The following UTRN variants were observed in gnomAD, a reference collection of about 807,000 sequenced individuals.
UTRN encodes utrophin, also known as dystrophin-related protein 1.
UTRN carries 283 observed loss-of-function variants against 463.9 expected under a neutral mutation model. That is an observed-to-expected ratio of 0.61 (90% CI 0.55 to 0.67). UTRN has a LOEUF of 0.67. Among genes scored for constraint, UTRN ranks in the 30% least tolerant of loss-of-function variants. The probability of loss-of-function intolerance (pLI) is 0.00; values close to 1 mark genes in which losing one functional copy is unlikely to be tolerated. For synonymous variants in UTRN, 1,442 were observed against 1,431.5 expected (o/e 1.01, Z -0.17); for missense variants, 3,922 against 4,084.3 (o/e 0.96, Z 1.08).
intron 51 of UTRN, among the ~76,000 whole-genome samples, chr6:144,638,886 A>G (rs899820538): frequency 1.3e-5 from 2 of 151,980 alleles, no homozygotes; most frequent in African/African-American, 4.8e-5. Context: ...CAGCATGAGC[A>G]ACATAACGAG....
intron 61 of UTRN, among the ~76,000 whole-genome samples, chr6:144,783,963 A>G (rs1197937025): frequency 6.6e-6 from 1 of 152,228 alleles, no homozygotes; most frequent in African/African-American, 2.4e-5. Context: ...AAATATTACC[A>G]TTAGCCTTAA....
chr6:144,766,010 G>A (rs1253354656), intron 58 of UTRN, among the ~76,000 whole-genome samples: 2 of 151,496 alleles, frequency 1.3e-5, no homozygotes, highest in Admixed American at 1.3e-4. Flanking sequence ...GTGTTTGCGA[G>A]TGGATGAGGA....
chr6:144,362,150 C>T (rs1041479195), intron 2 of UTRN, among the ~76,000 whole-genome samples: 1 of 152,178 alleles, frequency 6.6e-6, no homozygotes, highest in Non-Finnish European at 1.5e-5. Context: ...TAGCTGGATT[C>T]CTTCCTACAT....
At chr6:144,509,592 A>C (rs1016341672) in intron 34 of UTRN, among the ~76,000 whole-genome samples, 1 of 152,130 alleles carries the variant, frequency 6.6e-6, no homozygotes, top group African/African-American at 2.4e-5. Flanking sequence ...CAAATGAAAC[A>C]TCAGTATATA....
intron 65 of UTRN, among the ~76,000 whole-genome samples, chr6:144,810,972 T>A (rs571715039): frequency 6.6e-6 from 1 of 152,332 alleles, no homozygotes; most frequent in Non-Finnish European, 1.5e-5. Context: ...AACTGTATTC[T>A]TGTTGATATT....
chr6:144,331,649 C>A (rs1776339472), intron 2 of UTRN, among the ~76,000 whole-genome samples: 1 of 152,196 alleles, frequency 6.6e-6, no homozygotes. Flanking sequence ...ACGTGATAGG[C>A]TGCTGGGAGG....
intron 10 of UTRN, among the ~76,000 whole-genome samples, chr6:144,437,144 G>C (rs754731186): frequency 4.6e-5 from 7 of 151,768 alleles, no homozygotes; most frequent in East Asian, 3.9e-4. Context: ...AGTTAGAGAC[G>C]GGGTTTCACC....
At chr6:144,637,855 A>G (rs1777345373) in intron 51 of UTRN, among the ~76,000 whole-genome samples, 1 of 151,226 alleles carries the variant, frequency 6.6e-6, no homozygotes, top group African/African-American at 2.4e-5. Flanking sequence ...TTTCTGATTT[A>G]ATGTTCTTCT....
At chr6:144,690,095 TTGTGTGTGTGTGTGTG>T (rs1554339292) in intron 52 of UTRN, among the ~76,000 whole-genome samples, 3 of 33,454 alleles carry the variant, frequency 9.0e-5, no homozygotes, top group African/African-American at 4.3e-4. Flanking sequence ...TTTTTTTTTT[TTGTGTGTGTGTGTGTG>T]TGTGTGTGTG....
At chr6:144,410,208 T>C (rs139975273) in intron 3 of UTRN, among the ~76,000 whole-genome samples, 1,907 of 152,288 alleles carry the variant, frequency 0.013, 12 homozygotes, top group Non-Finnish European at 0.021. Flanking sequence ...ACTTTGATTT[T>C]ATTTACCTTT....
chr6:144,448,621 C>T lies in UTRN; in HGVS notation c.1924C>T (p.Leu642=). The T allele has an allele frequency of 6.2e-7, 1 of 1,613,888 alleles. No individual in the cohort carries two copies. Among genetic ancestry groups the T allele is most frequent in the Non-Finnish European group, 8.5e-7 (1 of 1,179,860 alleles). Residue 642 remains leucine (L), a synonymous_variant, in exon 17 of 75, where the codon CTG becomes TTG. Transcript: ENST00000367545. Reference sequence around the variant, plus strand: ...TCAGGTGACTCAGGCTGTAGCAAAGCTGGGGATGTCTCAGATTCCTCAGAA... The same window carrying T: ...TCAGGTGACTCAGGCTGTAGCAAAGTTGGGGATGTCTCAGATTCCTCAGAA... ...SNQVTQAVAK[L]GMSQIPQKDL... is the part of the protein sequence containing the mutation.
rs774460349 is a variant in UTRN at position 144,485,539 on chromosome 6, A to G, written c.3822+20A>G. On this transcript the variant is annotated intron_variant, in intron 28 of 74. Coordinates refer to ENST00000367545, the MANE Select transcript of UTRN (RefSeq NM_007124.3). ...CTGGAGGTTGGAACCCGTGATCTCC[A>G]CGGCATTTCTCTTTGCTGTGATGAG... The G allele has an allele frequency of 6.2e-7, 1 of 1,613,964 alleles. No homozygotes were observed. Among genetic ancestry groups the G allele is most frequent in the Non-Finnish European group, 8.5e-7 (1 of 1,179,898 alleles).
intron 43 of UTRN, among the ~76,000 whole-genome samples, chr6:144,535,696 AT>A (rs1217273985): frequency 2.4e-4 from 36 of 152,204 alleles, no homozygotes; most frequent in African/African-American, 7.5e-4. Flanking sequence ...TAACAAAGTA[AT>A]TGAGAATTAT....
chr6:144,447,804 T>C (rs762949027), intron 16 of UTRN, 23 bp downstream of exon 16: 1 of 1,581,666 alleles, frequency 6.3e-7, no homozygotes, highest in Non-Finnish European at 8.6e-7. Flanking sequence ...TTGGATCATA[T>C]GTTGTGCCAT....
intron 65 of UTRN, among the ~76,000 whole-genome samples, chr6:144,813,034 A>C (rs1778757640): frequency 6.6e-6 from 1 of 152,130 alleles, no homozygotes; most frequent in Non-Finnish European, 1.5e-5. Context: ...GCTTTCCAAA[A>C]ATGACAATTT....
chr6:144,624,973 A>C (rs140177594), intron 51 of UTRN, among the ~76,000 whole-genome samples: 1 of 152,224 alleles, frequency 6.6e-6, no homozygotes, highest in Non-Finnish European at 1.5e-5. Context: ...AAGAGAGGAC[A>C]AGATGACCAT....
intron 51 of UTRN, 137 bp downstream of exon 51, chr6:144,577,425 A>G (rs937124183): frequency 7.8e-6 from 7 of 895,328 alleles, no homozygotes; most frequent in Non-Finnish European, 1.1e-5. Context: ...CCTGTGAATA[A>G]TAGGTTTCTT....
At chr6:144,832,769 T>C (rs1780774898) in intron 69 of UTRN, among the ~76,000 whole-genome samples, 1 of 152,218 alleles carries the variant, frequency 6.6e-6, no homozygotes, top group African/African-American at 2.4e-5. Flanking sequence ...CTTTTAGGTA[T>C]GTTATTGATA....
intron 32 of UTRN, 46 bp downstream of exon 32, chr6:144,491,148 C>T (rs892399774): frequency 2.6e-6 from 4 of 1,548,818 alleles, no homozygotes; most frequent in Middle Eastern, 1.8e-4. Flanking sequence ...TTTTCAGCAG[C>T]TGTTATGGCT....
Sources: allele counts gnomAD v4.1 joint callset (sites outside exome capture counted in the v4.1 genomes callset), GRCh38; gene constraint gnomAD v4.1.1; transcripts MANE v1.5; gene names NCBI Gene and HGNC (gene_info 2026-07-23, HGNC 2026-07-21).